Variants in LRRTM4 observed in about 807,000 individuals in gnomAD.
LRRTM4 encodes leucine-rich repeat transmembrane neuronal protein 4.
Under a neutral mutation model 47.6 loss-of-function variants are expected in LRRTM4, and 25 were observed. The ratio of observed to expected loss-of-function variants is 0.53; its 90% CI spans 0.38 to 0.73. The LOEUF is 0.73. LRRTM4 is among the 30% of genes least tolerant of loss of function. The pLI is 0.00. For synonymous variants in LRRTM4, 311 were observed against 269.5 expected, an observed-to-expected ratio of 1.15 and a Z score of -1.51; for missense variants, 638 against 713.4, an observed-to-expected ratio of 0.89 and a Z score of 1.20.
chr2:77,065,805 A>G (rs1383615602), intron 3 of LRRTM4, among the ~76,000 whole-genome samples: 1 of 152,156 alleles, frequency 6.6e-6, no homozygotes, highest in Non-Finnish European at 1.5e-5. Flanking sequence ...TCACCTGCCT[A>G]TCATTTGCCT....
At chr2:76,945,277 C>A (rs1450662363) in intron 3 of LRRTM4, among the ~76,000 whole-genome samples, 1 of 152,080 alleles carries the variant, frequency 6.6e-6, no homozygotes. Flanking sequence ...AAATGACACT[C>A]TTCATATTTT....
intron 3 of LRRTM4, among the ~76,000 whole-genome samples, chr2:77,320,207 A>ATTT (rs1364228057): frequency 1.3e-5 from 2 of 152,186 alleles, no homozygotes; most frequent in Non-Finnish European, 2.9e-5. Flanking sequence ...GAAAGATAAA[A>ATTT]TGACTACCAC....
intron 3 of LRRTM4, among the ~76,000 whole-genome samples, chr2:77,457,009 T>TATATAC: frequency 1.9e-4 from 1 of 5,342 alleles, no homozygotes; most frequent in East Asian, 3.7e-3. Flanking sequence ...TGTGTGTATA[T>TATATAC]ATATATATAT....
chr2:77,248,491 A>G (rs1433352462), intron 3 of LRRTM4, among the ~76,000 whole-genome samples: 2 of 152,160 alleles, frequency 1.3e-5, no homozygotes, highest in East Asian at 1.9e-4. Context: ...TATAAATTCA[A>G]TGTAATGCCA....
At chr2:77,357,346 A>G (rs1202442707) in intron 3 of LRRTM4, among the ~76,000 whole-genome samples, 1 of 152,168 alleles carries the variant, frequency 6.6e-6, no homozygotes, top group African/African-American at 2.4e-5. Context: ...TATTTCCCAC[A>G]ATGCATTATA....
At chr2:76,776,534 T>C (rs1372449185) in intron 3 of LRRTM4, among the ~76,000 whole-genome samples, 2 of 152,064 alleles carry the variant, frequency 1.3e-5, no homozygotes, top group South Asian at 2.1e-4. Flanking sequence ...TTTCATGTGT[T>C]TTTTGGCTGC....
intron 3 of LRRTM4, among the ~76,000 whole-genome samples, chr2:77,401,705 A>G (rs1221010813): frequency 2.0e-5 from 3 of 151,980 alleles, no homozygotes; most frequent in Non-Finnish European, 4.4e-5. Flanking sequence ...CTATTTTGCC[A>G]TAGGAGTAAA....
chr2:76,927,897 T>C (rs1051708022), intron 3 of LRRTM4, among the ~76,000 whole-genome samples: 9 of 152,136 alleles, frequency 5.9e-5, no homozygotes, highest in Admixed American at 5.2e-4. Flanking sequence ...CTTTTCTGAC[T>C]AGGAAGCAAC....
At position 76,795,594 on chromosome 2, in the gene LRRTM4, C is replaced by CATATATAT. The variant is rs59362311; in HGVS notation, c.1552-46679_1552-46678insATATATAT. ...GCATATATATGCACACACACACATA[C>CATATATAT]ACACACACTACATTTTCTTTATCCA... On this transcript the variant is annotated intron_variant, in intron 3 of 3. Coordinates refer to ENST00000409884, the MANE Select transcript of LRRTM4 (RefSeq NM_001134745.3). Among the ~76,000 whole-genome samples the CATATATAT allele has an allele frequency of 4.5e-3, 685 of 151,714 alleles. 8 individuals are homozygous for CATATATAT. Among genetic ancestry groups the CATATATAT allele is most frequent in the East Asian group, 0.035 (178 of 5,100 alleles).
In LRRTM4 at chr2:77,072,528, T is replaced by C. The variant is rs1008944390; in HGVS notation, c.1552-323612A>G. 6.6e-5 allele frequency among the ~76,000 whole-genome samples: 10 copies of C among 152,172 alleles called. No individual in the cohort carries two copies. The East Asian group carries it at 1.9e-3, about 29-fold the overall frequency. ...AGACTGCCTTATAGGCCAGACACAGTGGCTCATGCCTGTAATCCCAGCACT... is the reference window on the plus strand; with the variant it reads ...AGACTGCCTTATAGGCCAGACACAGCGGCTCATGCCTGTAATCCCAGCACT... On this transcript the variant is annotated intron_variant, in intron 3 of 3. Transcript: ENST00000409884.
intron 3 of LRRTM4, among the ~76,000 whole-genome samples, chr2:77,083,742 C>A (rs1421937588): frequency 7.2e-5 from 8 of 111,880 alleles, no homozygotes; most frequent in African/African-American, 2.5e-4. Context: ...TTCTTCCTTT[C>A]TTTCATAGTA....
intron 3 of LRRTM4, among the ~76,000 whole-genome samples, chr2:77,440,996 T>G (rs1675817637): frequency 6.6e-6 from 1 of 152,248 alleles, no homozygotes; most frequent in African/African-American, 2.4e-5. Context: ...CATTATTTAT[T>G]CTTACAAAAA....
intron 3 of LRRTM4, among the ~76,000 whole-genome samples, chr2:77,438,461 T>C (rs13032487): frequency 0.7 from 102,150 of 145,542 alleles, 35,946 homozygotes; most frequent in East Asian, 0.79. Context: ...GGCTGGAGTG[T>C]AGTGGCGCGA....
intron 3 of LRRTM4, among the ~76,000 whole-genome samples, chr2:76,968,371 T>TAC (rs1399373456): frequency 1.6e-5 from 2 of 127,542 alleles, no homozygotes; most frequent in Non-Finnish European, 3.4e-5. Context: ...TATATATATA[T>TAC]ATATATATAT....
intron 3 of LRRTM4, among the ~76,000 whole-genome samples, chr2:76,920,056 G>C (rs1674385096): frequency 6.6e-6 from 1 of 151,804 alleles, no homozygotes; most frequent in Non-Finnish European, 1.5e-5. Flanking sequence ...TGTTCTATTT[G>C]AATTTCAGAT....
At position 77,511,711 on chromosome 2, in the gene LRRTM4, C is replaced by T. The variant is rs533843530; in HGVS notation, c.1551+6607G>A. On this transcript the variant is annotated intron_variant, in intron 3 of 3. Transcript: ENST00000409884. The stretch of plus-strand genomic sequence containing the variant: ...CAGGGTTTTCCTTTTAATTATGCTT[C>T]TTCATATTTCTTTCTGAATTTCTTA... Among the ~76,000 whole-genome samples, 45 of 151,840 alleles carry T rather than the reference C, an allele frequency of 3.0e-4. 1 individual carries two copies. In the South Asian group the frequency reaches 9.1e-3, roughly 31 times the overall value.
At chr2:77,492,286 G>A (rs890720159) in intron 3 of LRRTM4, among the ~76,000 whole-genome samples, 1 of 152,008 alleles carries the variant, frequency 6.6e-6, no homozygotes, top group Non-Finnish European at 1.5e-5. Flanking sequence ...TTAGAGATAG[G>A]GTCTTGCTCG....
chr2:77,365,832 A>G (rs1672421448), intron 3 of LRRTM4, among the ~76,000 whole-genome samples: 1 of 150,554 alleles, frequency 6.6e-6, no homozygotes, highest in Non-Finnish European at 1.5e-5. Context: ...TGTATACTTA[A>G]GACTAGGAGA....
chr2:77,005,246 G>C (rs1677595500), intron 3 of LRRTM4, among the ~76,000 whole-genome samples: 1 of 152,148 alleles, frequency 6.6e-6, no homozygotes, highest in Admixed American at 6.5e-5. Context: ...CCTGGTTCAA[G>C]GGATTCGCCT....
Sources: allele counts gnomAD v4.1 joint callset (sites outside exome capture counted in the v4.1 genomes callset), GRCh38; gene constraint gnomAD v4.1.1; transcripts MANE v1.5; gene names NCBI Gene and HGNC (gene_info 2026-07-23, HGNC 2026-07-21).